KALRN: variants seen among roughly 807,000 people sequenced by gnomAD.
KALRN encodes the protein kalirin RhoGEF kinase.
In KALRN, 70 loss-of-function variants were observed where a neutral mutation model predicts 353.7. That is an observed-to-expected ratio of 0.20 (90% CI 0.16 to 0.24). KALRN has a LOEUF of 0.24. Ranked by LOEUF, KALRN falls within the 10% of genes least tolerant of loss-of-function variation. KALRN has a pLI of 1.00. For missense variants in KALRN, 2,791 were observed against 3,756.7 expected (o/e 0.74, Z 6.72); for synonymous variants, 1,391 against 1,434.8 (o/e 0.97, Z 0.69).
chr3:124,456,859 G>A (rs1458445619), intron 23 of KALRN, 131 bp downstream of exon 23: 45 of 583,422 alleles, frequency 7.7e-5, no homozygotes, highest in Non-Finnish European at 1.2e-4. Flanking sequence ...CAGACATAAT[G>A]TTTGCATTGA....
intron 33 of KALRN, among the ~76,000 whole-genome samples, chr3:124,534,788 A>ATTTTTT (rs5852408): frequency 6.6e-6 from 1 of 151,778 alleles, no homozygotes; most frequent in African/African-American, 2.4e-5. Flanking sequence ...GCCTGAAACA[A>ATTTTTT]TTTTTTTAAT....
chr3:124,446,067 C>T, intron 19 of KALRN, 94 bp from the exon 20 acceptor site: 1 of 713,150 alleles, frequency 1.4e-6, no homozygotes, highest in East Asian at 2.6e-5. Context: ...AAATCACAGT[C>T]ATGGTCACCT....
intron 1 of KALRN, among the ~76,000 whole-genome samples, chr3:124,099,686 A>G (rs763456505): frequency 1.1e-4 from 17 of 152,218 alleles, no homozygotes; most frequent in African/African-American, 2.2e-4. Flanking sequence ...CCAGCAGTGT[A>G]TAAGAGTTCC....
At chr3:124,098,594 T>A (rs1324191802) in intron 1 of KALRN, among the ~76,000 whole-genome samples, 1 of 152,196 alleles carries the variant, frequency 6.6e-6, no homozygotes, top group Non-Finnish European at 1.5e-5. Context: ...ATCCTCTAAC[T>A]AATTGCCCAG....
At chr3:124,180,170 G>T (rs2073375895) in intron 1 of KALRN, among the ~76,000 whole-genome samples, 1 of 152,112 alleles carries the variant, frequency 6.6e-6, no homozygotes, top group Admixed American at 6.5e-5. Context: ...CCTTGCCTTT[G>T]CCCTTCCCCA....
chr3:124,725,667 C>A lies in KALRN; in HGVS notation c.*6197C>A, dbSNP rs925902610. 2 of 152,200 alleles carry A rather than the reference C, an allele frequency of 1.3e-5. No individual in the cohort carries two copies. Among genetic ancestry groups the A allele is most frequent in the Non-Finnish European group, 2.9e-5 (2 of 68,044 alleles). 9.4% of individuals were successfully genotyped at this position (152,200 alleles called of 1,614,324 possible). ...GAATTAATTTGCTGTCTTTTGACAT[C>A]CACAAAGCCAAACTAACAAAGTGTG... On this transcript the variant is annotated 3_prime_UTR_variant, in exon 60 of 60. Transcript: ENST00000682506.
At position 124,666,530 on chromosome 3, in the gene KALRN, A is replaced by T. The variant is rs1028914518; in HGVS notation, c.6427A>T (p.Thr2143Ser). 17 of 1,613,990 alleles carry T rather than the reference A, an allele frequency of 1.1e-5. No homozygotes were observed. Among genetic ancestry groups the T allele is most frequent in the Non-Finnish European group, 1.4e-5 (17 of 1,179,892 alleles). ...IELDAGMQSR[T>S]KERRVFLFEQ... ...GCTGGATGCAGGCATGCAGTCCCGG[A>T]CCAAAGAGAGGCGCGTGTTCCTCTT... The change falls in exon 46 of 60, where the codon ACC becomes TCC. Residue 2143 changes from threonine to serine, a missense_variant. Physicochemically the swap from Thr to Ser is moderately conservative, Grantham distance 58. This residue lies in a region of KALRN where 1,065 missense variants were observed against 1,156.4 expected (regional missense o/e 0.92). Transcript: ENST00000682506.
chr3:124,122,164 C>G (rs984421643), intron 1 of KALRN, among the ~76,000 whole-genome samples: 3 of 152,118 alleles, frequency 2.0e-5, no homozygotes, highest in African/African-American at 7.2e-5. Flanking sequence ...AAATTCCTGG[C>G]TGTCATGGAA....
intron 34 of KALRN, among the ~76,000 whole-genome samples, chr3:124,589,535 G>A (rs2075562754): frequency 1.3e-5 from 2 of 152,206 alleles, no homozygotes; most frequent in African/African-American, 4.8e-5. Context: ...CAAGTTTGCA[G>A]TGAACTATGA....
At chr3:124,357,381 A>G (rs1576252576) in intron 10 of KALRN, among the ~76,000 whole-genome samples, 2 of 152,342 alleles carry the variant, frequency 1.3e-5, no homozygotes, top group Admixed American at 1.3e-4. Context: ...TCCAATGGTT[A>G]TGGAACCTAT....
chr3:124,578,766 TAAAA>T (rs10526930), intron 34 of KALRN, among the ~76,000 whole-genome samples: 8 of 144,508 alleles, frequency 5.5e-5, no homozygotes, highest in African/African-American at 1.8e-4. Context: ...AAACTCCATT[TAAAA>T]AAAAAAAAAA....
intron 1 of KALRN, among the ~76,000 whole-genome samples, chr3:124,193,051 T>C (rs2075095494): frequency 6.6e-6 from 1 of 152,226 alleles, no homozygotes; most frequent in African/African-American, 2.4e-5. Flanking sequence ...CTAGAATCTA[T>C]CTGATATTTG....
At position 124,645,362 on chromosome 3, in the gene KALRN, T is replaced by A. The variant is rs558248827; in HGVS notation, c.5665-5446T>A. ...TCCCATTTGTCAATTTTGGCTTTTGTTGCCATTGCTTTTGGTATTTTAATC... is the reference window on the plus strand; with the variant it reads ...TCCCATTTGTCAATTTTGGCTTTTGATGCCATTGCTTTTGGTATTTTAATC... On this transcript the variant is annotated intron_variant, in intron 37 of 59. Transcript: ENST00000682506. 1.0e-3 allele frequency among the ~76,000 whole-genome samples: 158 copies of A among 152,376 alleles called. 1 individual carries two copies. Among genetic ancestry groups the A allele is most frequent in the African/African-American group, 3.6e-3 (148 of 41,590 alleles).
At chr3:124,348,005 C>A (rs2082448378) in intron 10 of KALRN, among the ~76,000 whole-genome samples, 1 of 152,088 alleles carries the variant, frequency 6.6e-6, no homozygotes, top group Non-Finnish European at 1.5e-5. Context: ...GCCTCCACCT[C>A]AAAAATGTTA....
intron 4 of KALRN, 98 bp from the exon 5 acceptor site, chr3:124,268,645 T>C (rs2073838756): frequency 3.1e-6 from 4 of 1,292,940 alleles, no homozygotes; most frequent in Non-Finnish European, 4.4e-6. Flanking sequence ...CTGTGGTCAT[T>C]ATTATGTGGA....
At chr3:124,474,989 G>A (rs924974916) in intron 26 of KALRN, among the ~76,000 whole-genome samples, 1 of 152,228 alleles carries the variant, frequency 6.6e-6, no homozygotes, top group Non-Finnish European at 1.5e-5. Context: ...CAGAGGAAAT[G>A]TGTCAGCTCA....
At chr3:124,399,201 C>T (rs545191284) in intron 13 of KALRN, among the ~76,000 whole-genome samples, 4 of 152,208 alleles carry the variant, frequency 2.6e-5, no homozygotes, top group South Asian at 2.1e-4. Context: ...TGCATTGGCG[C>T]GATCTGGGCT....
At chr3:124,692,364 C>G (rs2061858884) in intron 51 of KALRN, among the ~76,000 whole-genome samples, 1 of 152,196 alleles carries the variant, frequency 6.6e-6, no homozygotes, top group African/African-American at 2.4e-5. Flanking sequence ...TAAGCAGGCA[C>G]TTGATTTGCA....
intron 34 of KALRN, among the ~76,000 whole-genome samples, chr3:124,581,339 G>A (rs2074605911): frequency 6.7e-6 from 1 of 149,730 alleles, no homozygotes; most frequent in Admixed American, 6.8e-5. Flanking sequence ...GTTGCAGTGA[G>A]CCGAGATCGT....
Sources: gnomAD v4.1 joint callset for allele counts (sites outside exome capture counted in the v4.1 genomes callset) on GRCh38, gnomAD v4.1.1 for gene constraint, gnomAD v4.1.1 regional missense constraint, MANE v1.5 for transcripts, NCBI Gene and HGNC (gene_info 2026-07-23, HGNC 2026-07-21) for gene names.